The following IMMP1L variants were observed in gnomAD, a reference collection of about 807,000 sequenced individuals.
IMMP1L encodes inner mitochondrial membrane peptidase subunit 1, also known as mitochondrial inner membrane protease subunit 1.
Under a neutral mutation model 21.8 loss-of-function variants are expected in IMMP1L, and 24 were observed. That is an observed-to-expected ratio of 1.10 (90% CI 0.80 to 1.55). The LOEUF (loss-of-function observed/expected upper bound fraction) is 1.55, where lower values mean the gene tolerates loss of function less well. Ranked by LOEUF, IMMP1L falls within the 40% of genes most tolerant of loss-of-function variation. IMMP1L has a pLI of 0.00. For missense variants in IMMP1L, 195 were observed against 200.7 expected (o/e 0.97, Z 0.17); for synonymous variants, 46 against 62.8 (o/e 0.73, Z 1.26).
intron 1 of IMMP1L, among the ~76,000 whole-genome samples, chr11:31,487,074 A>C (rs1955102687): frequency 6.6e-6 from 1 of 151,696 alleles, no homozygotes; most frequent in Non-Finnish European, 1.5e-5. Context: ...CTGTATCACT[A>C]TATTTTACAA....
At chr11:31,480,282 TA>T (rs1194645724) in intron 1 of IMMP1L, among the ~76,000 whole-genome samples, 1 of 152,032 alleles carries the variant, frequency 6.6e-6, no homozygotes, top group African/African-American at 2.4e-5. Context: ...ATTCACAAAA[TA>T]AAAAGGTCAA....
At chr11:31,506,420 C>T (rs923892001) in intron 1 of IMMP1L, among the ~76,000 whole-genome samples, 2 of 151,300 alleles carry the variant, frequency 1.3e-5, no homozygotes, top group Admixed American at 1.3e-4. Flanking sequence ...TTAGTAGAGA[C>T]GGGGTTTCAC....
At chr11:31,491,812 A>T (rs1418362042) in intron 1 of IMMP1L, among the ~76,000 whole-genome samples, 2 of 152,252 alleles carry the variant, frequency 1.3e-5, no homozygotes, top group East Asian at 3.8e-4. Flanking sequence ...ATTATCCAGG[A>T]AAGATCTTTG....
chr11:31,493,376 AACTC>A (rs906624136), intron 1 of IMMP1L, among the ~76,000 whole-genome samples: 3 of 152,054 alleles, frequency 2.0e-5, no homozygotes, highest in African/African-American at 7.2e-5. Context: ...ATCTCAGGAG[AACTC>A]ACTCACTATC....
chr11:31,463,083 A>G (rs1212108792), intron 2 of IMMP1L, 89 bp downstream of exon 2: 5 of 983,256 alleles, frequency 5.1e-6, no homozygotes, highest in Admixed American at 2.8e-5. Flanking sequence ...AATAACTTCA[A>G]CTAGGTTTTC....
At chr11:31,475,653 A>G (rs952596482) in intron 1 of IMMP1L, among the ~76,000 whole-genome samples, 1 of 152,214 alleles carries the variant, frequency 6.6e-6, no homozygotes, top group Admixed American at 6.5e-5. Flanking sequence ...TACTGACATC[A>G]TGAGTTGCCT....
chr11:31,506,377 C>T (rs1283760614), intron 1 of IMMP1L, among the ~76,000 whole-genome samples: 1 of 151,706 alleles, frequency 6.6e-6, no homozygotes, highest in Non-Finnish European at 1.5e-5. Context: ...CACAGAAGCC[C>T]GCCACCATGC....
At chr11:31,457,286 T>C (rs1358166660) in intron 3 of IMMP1L, among the ~76,000 whole-genome samples, 1 of 152,130 alleles carries the variant, frequency 6.6e-6, no homozygotes, top group Admixed American at 6.5e-5. Context: ...TCATGATTTA[T>C]GGAAGAACTG....
At chr11:31,458,966 T>C (rs1199888291) in intron 3 of IMMP1L, among the ~76,000 whole-genome samples, 1 of 152,222 alleles carries the variant, frequency 6.6e-6, no homozygotes, top group East Asian at 1.9e-4. Flanking sequence ...AATAAAATTA[T>C]GTCACTGGCA....
intron 4 of IMMP1L, among the ~76,000 whole-genome samples, chr11:31,444,848 T>G (rs185655783): frequency 1.9e-4 from 29 of 152,314 alleles, no homozygotes; most frequent in African/African-American, 6.5e-4. Flanking sequence ...AAATATTGAA[T>G]GCTTAGGCCC....
At chr11:31,456,519 C>A in intron 3 of IMMP1L, 133 bp from the exon 4 acceptor site, 1 of 523,710 alleles carries the variant, frequency 1.9e-6, no homozygotes, top group East Asian at 3.1e-5. Flanking sequence ...CTTACTCTTC[C>A]ACACATTTAC....
intron 1 of IMMP1L, chr11:31,473,816 A>G: frequency 1.1e-6 from 1 of 870,598 alleles, no homozygotes; most frequent in South Asian, 5.3e-5. Flanking sequence ...TTCGTTTCAG[A>G]AACAGGAAAA....
intron 3 of IMMP1L, among the ~76,000 whole-genome samples, 155 bp downstream of exon 3, chr11:31,460,471 A>G (rs200077336): frequency 1.3e-5 from 2 of 152,202 alleles, no homozygotes; most frequent in East Asian, 3.9e-4. Flanking sequence ...TCTCAAACTG[A>G]AAGAGAATAT....
intron 4 of IMMP1L, among the ~76,000 whole-genome samples, chr11:31,439,919 T>C (rs1175809097): frequency 6.6e-6 from 1 of 152,186 alleles, no homozygotes; most frequent in Non-Finnish European, 1.5e-5. Context: ...TGGGACCTTT[T>C]TGGCTTACAG....
intron 4 of IMMP1L, among the ~76,000 whole-genome samples, chr11:31,439,020 A>G (rs1000254268): frequency 3.3e-5 from 5 of 149,324 alleles, no homozygotes; most frequent in Admixed American, 3.3e-4. Context: ...TGTTTTTTAT[A>G]ATAGATCAGC....
At chr11:31,469,262 A>C (rs1021154946) in intron 1 of IMMP1L, among the ~76,000 whole-genome samples, 1 of 152,152 alleles carries the variant, frequency 6.6e-6, no homozygotes, top group Non-Finnish European at 1.5e-5. Flanking sequence ...CTGAAAGCCA[A>C]GAGAAAAAAA....
At chr11:31,507,948 T>C (rs1466497058) in intron 1 of IMMP1L, among the ~76,000 whole-genome samples, 3 of 152,088 alleles carry the variant, frequency 2.0e-5, no homozygotes, top group Non-Finnish European at 2.9e-5. Flanking sequence ...AACAATGCCA[T>C]CTGTCAAAAA....
At chr11:31,469,585 G>A (rs1564989914) in intron 1 of IMMP1L, among the ~76,000 whole-genome samples, 7 of 152,282 alleles carry the variant, frequency 4.6e-5, no homozygotes, top group African/African-American at 1.4e-4. Context: ...AGGAAAGCAG[G>A]TAGGCAATCC....
chr11:31,493,574 C>A (rs1434394361), intron 1 of IMMP1L, among the ~76,000 whole-genome samples: 5 of 152,198 alleles, frequency 3.3e-5, no homozygotes, highest in Admixed American at 1.3e-4. Flanking sequence ...TTTCAAAACA[C>A]AATCATGCCT....
Sources: gnomAD v4.1 joint callset for allele counts (sites outside exome capture counted in the v4.1 genomes callset) on GRCh38, gnomAD v4.1.1 for gene constraint, MANE v1.5 for transcripts, NCBI Gene and HGNC (gene_info 2026-07-23, HGNC 2026-07-21) for gene names.